WDR72: variants seen among roughly 807,000 people sequenced by gnomAD.
WDR72 encodes WD repeat domain 72.
A neutral mutation model predicts 124.2 loss-of-function variants in WDR72; 120 were observed. That is an observed-to-expected ratio of 0.97 (90% confidence interval 0.83 to 1.12). WDR72 has a LOEUF of 1.12. Among genes scored for constraint, WDR72 ranks in the 50% most tolerant of loss-of-function variants. WDR72 has a pLI of 0.00. For synonymous variants in WDR72, 452 were observed against 441.7 expected (o/e 1.02, Z -0.29); for missense variants, 1,387 against 1,278.8 (o/e 1.08, Z -1.29).
At chr15:53,679,761 A>G (rs2140476758) in intron 13 of WDR72, among the ~76,000 whole-genome samples, 1 of 152,330 alleles carries the variant, frequency 6.6e-6, no homozygotes, top group Non-Finnish European at 1.5e-5. Flanking sequence ...TTTGGGAAGA[A>G]TCTCAGAGAA....
intron 7 of WDR72, 58 bp from the exon 8 acceptor site, chr15:53,711,539 T>C (rs2017539608): frequency 3.9e-5 from 60 of 1,552,798 alleles, no homozygotes; most frequent in Non-Finnish European, 5.1e-5. Context: ...GCCAATAAGA[T>C]GAATATAAAT....
At chr15:53,560,456 A>G (rs1244652700) in intron 18 of WDR72, among the ~76,000 whole-genome samples, 1 of 151,924 alleles carries the variant, frequency 6.6e-6, no homozygotes, top group African/African-American at 2.4e-5. Flanking sequence ...AAGGATGAGA[A>G]TAAGTATTAT....
At chr15:53,675,732 T>A (rs966696823) in intron 13 of WDR72, among the ~76,000 whole-genome samples, 1 of 152,226 alleles carries the variant, frequency 6.6e-6, no homozygotes, top group Non-Finnish European at 1.5e-5. Context: ...TCAATTAATT[T>A]AATCAGATCA....
chr15:53,702,166 T>C lies in WDR72; in HGVS notation c.1537A>G (p.Thr513Ala), dbSNP rs758124722. The change falls in exon 12 of 20, where the codon ACA (threonine) becomes GCA (alanine). Residue 513 changes from threonine (T) to alanine (A), a missense_variant. Transcript: ENST00000360509. ...TTCTCTGGTGACATCAAAAGACTTG[T>C]TACTGGACCAGCTTCCAAAAAGAAT... is the stretch of plus-strand genomic sequence containing the variant. ...HKFFLEAGPVTSLLMSPEKFK... is the reference protein window; with the variant it reads ...HKFFLEAGPVASLLMSPEKFK... 1 of 1,613,934 alleles carries C rather than the reference T, an allele frequency of 6.2e-7. No homozygotes were observed.
chr15:53,678,593 G>C (rs1038477153), intron 13 of WDR72, among the ~76,000 whole-genome samples: 1 of 152,158 alleles, frequency 6.6e-6, no homozygotes, highest in African/African-American at 2.4e-5. Context: ...CTCTACTATA[G>C]AGGGAGTCTT....
intron 1 of WDR72, among the ~76,000 whole-genome samples, chr15:53,752,908 T>TATC (rs1394016330): frequency 6.6e-6 from 1 of 152,138 alleles, no homozygotes; most frequent in African/African-American, 2.4e-5. Context: ...AATTCAATAA[T>TATC]TAGTATCTAG....
intron 1 of WDR72, among the ~76,000 whole-genome samples, chr15:53,741,398 G>A (rs557246146): frequency 1.3e-5 from 2 of 152,240 alleles, no homozygotes; most frequent in African/African-American, 4.8e-5. Context: ...ATCCAGATTT[G>A]CTATGTGTAG....
intron 18 of WDR72, among the ~76,000 whole-genome samples, chr15:53,533,302 G>C (rs7174001): frequency 1.3e-5 from 2 of 151,880 alleles, no homozygotes; most frequent in African/African-American, 4.8e-5. Flanking sequence ...ATCTGAAGAA[G>C]AGTATATTTG....
In WDR72 at chr15:53,643,737, T is replaced by C. The variant is rs557424889; in HGVS notation, c.1962+21835A>G. Among the ~76,000 whole-genome samples, 655 of 131,886 alleles carry C rather than the reference T, an allele frequency of 5.0e-3. 6 individuals are homozygous for C. The highest frequency in any genetic ancestry group is 0.028 in the African/African-American group (630 of 22,348). The allele number at this position is 131,886 out of a possible 152,430, so 86.5% of individuals were successfully genotyped here. On this transcript the variant is annotated intron_variant, in intron 14 of 19. Coordinates refer to ENST00000360509, the MANE Select transcript of WDR72 (RefSeq NM_182758.4). ...ACTGAAACGTGCGTGTATGTATCTG[T>C]GTGTGTGCGTGTGTGTGTAGAAAGA... is the stretch of plus-strand genomic sequence containing the variant.
intron 17 of WDR72, among the ~76,000 whole-genome samples, chr15:53,603,860 A>G (rs2013154167): frequency 6.6e-6 from 1 of 152,224 alleles, no homozygotes; most frequent in Non-Finnish European, 1.5e-5. Flanking sequence ...AAAACATTCC[A>G]TGTTCATGAA....
chr15:53,522,400 G>T (rs1314255033), intron 19 of WDR72, among the ~76,000 whole-genome samples: 1 of 151,878 alleles, frequency 6.6e-6, no homozygotes, highest in Non-Finnish European at 1.5e-5. Flanking sequence ...GATAAAACAG[G>T]AATCACAAAT....
At chr15:53,715,492 C>G (rs2017678294) in intron 4 of WDR72, 125 bp from the exon 5 acceptor site, 1 of 1,138,060 alleles carries the variant, frequency 8.8e-7, no homozygotes, top group Admixed American at 2.1e-5. Context: ...AACTGAATAG[C>G]AACTAAAATT....
chr15:53,736,779 G>A lies in WDR72; in HGVS notation c.-12-3618C>T, dbSNP rs143465951. On this transcript the variant is annotated intron_variant, in intron 1 of 19. Coordinates refer to ENST00000360509, the MANE Select transcript of WDR72 (RefSeq NM_182758.4). ...AGTGTTAAAGCCAGAAAATGATCAG[G>A]AGGGCATCCACACAGAGGACAGGGT... 3.0e-3 allele frequency among the ~76,000 whole-genome samples: 456 copies of A among 152,210 alleles called. 1 individual carries two copies. Among genetic ancestry groups the A allele is most frequent in the African/African-American group, 0.011 (439 of 41,532 alleles).
intron 18 of WDR72, among the ~76,000 whole-genome samples, chr15:53,532,095 T>A (rs1246830511): frequency 1.3e-5 from 2 of 152,070 alleles, no homozygotes; most frequent in Admixed American, 6.6e-5. Context: ...CAATGAGACA[T>A]CATCTCACTC....
intron 13 of WDR72, among the ~76,000 whole-genome samples, chr15:53,666,886 C>T (rs1229680454): frequency 1.3e-5 from 2 of 152,180 alleles, no homozygotes; most frequent in African/African-American, 4.8e-5. Flanking sequence ...TTAGCTGGCA[C>T]TGTGGATTCT....
chr15:53,525,118 T>C (rs942664474), intron 18 of WDR72, among the ~76,000 whole-genome samples: 2 of 152,070 alleles, frequency 1.3e-5, no homozygotes, highest in African/African-American at 4.8e-5. Flanking sequence ...AGTTTAATTT[T>C]CTTAATTTTC....
At chr15:53,535,102 A>C (rs1411534410) in intron 18 of WDR72, among the ~76,000 whole-genome samples, 1 of 152,174 alleles carries the variant, frequency 6.6e-6, no homozygotes, top group Non-Finnish European at 1.5e-5. Flanking sequence ...AATTCTTGTG[A>C]TCTTAATGTA....
At chr15:53,703,976 A>G (rs2017262610) in intron 11 of WDR72, among the ~76,000 whole-genome samples, 1 of 152,000 alleles carries the variant, frequency 6.6e-6, no homozygotes, top group South Asian at 2.1e-4. Context: ...TTGCTTTTTC[A>G]CTAACTTTTA....
intron 4 of WDR72, among the ~76,000 whole-genome samples, chr15:53,716,003 T>C (rs887005863): frequency 1.3e-5 from 2 of 152,136 alleles, no homozygotes; most frequent in Non-Finnish European, 2.9e-5. Flanking sequence ...CTGTGCAGGG[T>C]TTTATTTCCA....
Sources: gnomAD v4.1 joint callset for allele counts (sites outside exome capture counted in the v4.1 genomes callset) on GRCh38, gnomAD v4.1.1 for gene constraint, MANE v1.5 for transcripts, NCBI Gene and HGNC (gene_info 2026-07-23, HGNC 2026-07-21) for gene names.